Variants in PTPRG observed in about 807,000 individuals in gnomAD.
The protein encoded by PTPRG is protein tyrosine phosphatase receptor type G.
A neutral mutation model predicts 165.3 loss-of-function variants in PTPRG; 102 were observed. The observed-to-expected ratio is 0.62, with a 90% CI of 0.53 to 0.73. The LOEUF is 0.73. Ranked by LOEUF, PTPRG falls within the 30% of genes least tolerant of loss-of-function variation. PTPRG has a pLI of 0.00. For missense variants in PTPRG, 1,866 were observed against 1,861.4 expected, an observed-to-expected ratio of 1.00 and a Z score of -0.05; for synonymous variants, 675 against 669.5, an observed-to-expected ratio of 1.01 and a Z score of -0.13.
chr3:62,113,941 A>G (rs1702763534), intron 5 of PTPRG, among the ~76,000 whole-genome samples: 1 of 152,170 alleles, frequency 6.6e-6, no homozygotes, highest in Non-Finnish European at 1.5e-5. Context: ...AAAAATACTG[A>G]TATGTTGTAT....
At chr3:61,735,769 A>G (rs2032695798) in intron 1 of PTPRG, among the ~76,000 whole-genome samples, 1 of 152,196 alleles carries the variant, frequency 6.6e-6, no homozygotes, top group Non-Finnish European at 1.5e-5. Flanking sequence ...TTGTGCAGAG[A>G]CAATTTACCA....
chr3:61,617,074 G>T (rs1701318022), intron 1 of PTPRG, among the ~76,000 whole-genome samples: 1 of 152,146 alleles, frequency 6.6e-6, no homozygotes, highest in Admixed American at 6.5e-5. Context: ...CCCTGCCCTT[G>T]GTATTTGAGG....
chr3:62,149,442 T>G (rs909360543), intron 6 of PTPRG, among the ~76,000 whole-genome samples: 1 of 152,078 alleles, frequency 6.6e-6, no homozygotes, highest in Admixed American at 6.5e-5. Context: ...CCTGGCTAAT[T>G]TTTGTATCTT....
At chr3:61,667,744 A>C (rs1442546108) in intron 1 of PTPRG, among the ~76,000 whole-genome samples, 1 of 152,000 alleles carries the variant, frequency 6.6e-6, no homozygotes, top group African/African-American at 2.4e-5. Context: ...GTTTGAATCT[A>C]ACTGGGAAAC....
chr3:61,747,847 A>G (rs1301665712), intron 1 of PTPRG, among the ~76,000 whole-genome samples: 3 of 151,686 alleles, frequency 2.0e-5, no homozygotes, highest in African/African-American at 7.3e-5. Flanking sequence ...TTTAAATGTT[A>G]TCATAGTCAG....
intron 1 of PTPRG, among the ~76,000 whole-genome samples, chr3:61,635,654 T>C (rs1467353894): frequency 6.6e-6 from 1 of 152,078 alleles, no homozygotes; most frequent in Non-Finnish European, 1.5e-5. Context: ...GCCTATATTA[T>C]TAATACTATT....
chr3:62,081,504 C>T (rs1020635758), intron 5 of PTPRG, among the ~76,000 whole-genome samples: 5 of 151,902 alleles, frequency 3.3e-5, no homozygotes, highest in African/African-American at 4.8e-5. Flanking sequence ...CCACCATGTC[C>T]GGCTAATTTT....
At chr3:62,145,250 G>A (rs1022083415) in intron 6 of PTPRG, among the ~76,000 whole-genome samples, 5 of 152,128 alleles carry the variant, frequency 3.3e-5, no homozygotes, top group East Asian at 1.9e-4. Flanking sequence ...GCATCGTGAG[G>A]TAATACTAAT....
chr3:61,562,806 A>G (rs1183971642), intron 1 of PTPRG, among the ~76,000 whole-genome samples: 3 of 152,088 alleles, frequency 2.0e-5, no homozygotes, highest in Admixed American at 2.0e-4. Context: ...CGGGTATTGA[A>G]GGAACTCAGA....
chr3:61,949,676 C>G (rs972547187), intron 2 of PTPRG, among the ~76,000 whole-genome samples: 52 of 151,964 alleles, frequency 3.4e-4, no homozygotes, highest in African/African-American at 1.2e-3. Context: ...ACATTTTTTC[C>G]CCTTCCTAAG....
intron 1 of PTPRG, among the ~76,000 whole-genome samples, chr3:61,702,553 T>C (rs1002784645): frequency 3.9e-5 from 6 of 152,218 alleles, no homozygotes; most frequent in East Asian, 1.9e-4. Flanking sequence ...GCACAGTAAA[T>C]TGTACAAATC....
intron 6 of PTPRG, among the ~76,000 whole-genome samples, chr3:62,141,394 G>A (rs1319522508): frequency 6.6e-6 from 1 of 152,146 alleles, no homozygotes; most frequent in Non-Finnish European, 1.5e-5. Context: ...GAGCCCAGGA[G>A]TTTGAGACCA....
intron 2 of PTPRG, among the ~76,000 whole-genome samples, chr3:61,840,906 C>G (rs867465619): frequency 4.0e-5 from 6 of 151,558 alleles, no homozygotes; most frequent in African/African-American, 1.2e-4. Flanking sequence ...CTCAGCCTCC[C>G]GAGTAGCTGG....
chr3:61,941,667 A>G (rs2039632561), intron 2 of PTPRG, among the ~76,000 whole-genome samples: 1 of 152,122 alleles, frequency 6.6e-6, no homozygotes, highest in Non-Finnish European at 1.5e-5. Context: ...ATGCCATAAA[A>G]TATGACATTT....
At position 62,295,620 on chromosome 3, in the gene PTPRG, A is replaced by T. The variant is rs1313447902; in HGVS notation, c.*2313A>T. 2 of 152,090 alleles carry T rather than the reference A, an allele frequency of 1.3e-5. No individual in the cohort carries two copies. The highest frequency in any genetic ancestry group is 2.9e-5 in the Non-Finnish European group (2 of 68,004). The allele number at this position is 152,090 out of a possible 1,614,324, so 9.4% of individuals were successfully genotyped here. ...AAAAAACAGCTAGTAAATAGGATAG[A>T]AACAATAAAAGAAAGAGTTTAGAAG... On this transcript the variant is annotated 3_prime_UTR_variant, in exon 30 of 30. Coordinates refer to ENST00000474889, the MANE Select transcript of PTPRG (RefSeq NM_002841.4).
chr3:62,001,424 A>G (rs1392202774), intron 3 of PTPRG, among the ~76,000 whole-genome samples: 1 of 152,196 alleles, frequency 6.6e-6, no homozygotes, highest in Admixed American at 6.5e-5. Flanking sequence ...GATGCAATCA[A>G]AACGTTTTGC....
chr3:61,962,348 G>T (rs67922609), intron 2 of PTPRG, among the ~76,000 whole-genome samples: 2,509 of 152,278 alleles, frequency 0.016, 40 homozygotes, highest in Non-Finnish European at 0.027. Flanking sequence ...AGGTAGTCAG[G>T]TTCACCTAGT....
intron 1 of PTPRG, among the ~76,000 whole-genome samples, chr3:61,590,634 A>G (rs1324293310): frequency 4.6e-5 from 7 of 152,196 alleles, no homozygotes; most frequent in Admixed American, 4.6e-4. Context: ...GTATGAAGAG[A>G]TTTGAATAGG....
chr3:61,951,329 GC>G (rs1471956924), intron 2 of PTPRG, among the ~76,000 whole-genome samples: 1 of 152,170 alleles, frequency 6.6e-6, no homozygotes, highest in Non-Finnish European at 1.5e-5. Flanking sequence ...TTGAACTGTA[GC>G]TTTTAATGTT....
Sources: gnomAD v4.1 joint callset for allele counts (sites outside exome capture counted in the v4.1 genomes callset) on GRCh38, gnomAD v4.1.1 for gene constraint, MANE v1.5 for transcripts, NCBI Gene and HGNC (gene_info 2026-07-23, HGNC 2026-07-21) for gene names.